Variants in SUMF1 observed in about 807,000 individuals in gnomAD.
The protein encoded by SUMF1 is formylglycine-generating enzyme.
Under a neutral mutation model 47.6 loss-of-function variants are expected in SUMF1, and 48 were observed. The ratio of observed to expected loss-of-function variants is 1.01; its 90% CI spans 0.80 to 1.28. SUMF1 has a LOEUF of 1.28. Among genes scored for constraint, SUMF1 ranks in the 50% most tolerant of loss-of-function variants. The probability of loss-of-function intolerance (pLI) is 0.00; values close to 1 mark genes in which losing one functional copy is unlikely to be tolerated. For synonymous variants in SUMF1, 230 were observed against 192.1 expected, an observed-to-expected ratio of 1.20 and a Z score of -1.63; for missense variants, 571 against 485.4, an observed-to-expected ratio of 1.18 and a Z score of -1.66.
At chr3:4,359,880 G>A (rs35830511), downstream of SUMF1, among the ~76,000 whole-genome samples, 31,546 of 152,010 alleles carry the variant, frequency 0.21, 3,502 homozygotes, top group East Asian at 0.39. Flanking sequence ...GGCCTCAAAC[G>A]ATCCTCTCGC....
chr3:4,462,225 T>C lies in SUMF1; in HGVS notation c.270+4751A>G, dbSNP rs560648864. 7.9e-5 allele frequency among the ~76,000 whole-genome samples: 12 copies of C among 152,294 alleles called. No homozygotes were observed. In the East Asian group the frequency reaches 2.1e-3, roughly 27 times the overall value. Reference sequence around the variant, plus strand: ...AACCCCCACCAAGCCTGGCCAACCATAGCATTCTTTTGACCACGGAGATGT... The same window carrying C: ...AACCCCCACCAAGCCTGGCCAACCACAGCATTCTTTTGACCACGGAGATGT... On this transcript the variant is annotated intron_variant, in intron 1 of 8. Coordinates refer to ENST00000272902, the MANE Select transcript of SUMF1 (RefSeq NM_182760.4).
intron 8 of SUMF1, among the ~76,000 whole-genome samples, chr3:4,164,448 G>C (rs1694653124): frequency 6.6e-6 from 1 of 152,178 alleles, no homozygotes; most frequent in Admixed American, 6.5e-5. Flanking sequence ...AAGAAACTTT[G>C]CCCTCTGGGG....
chr3:4,038,963 C>T (rs1464330529), intron 9 of SUMF1, among the ~76,000 whole-genome samples: 1 of 152,112 alleles, frequency 6.6e-6, no homozygotes, highest in Non-Finnish European at 1.5e-5. Flanking sequence ...ACAATTAAGA[C>T]AGCAACTTAA....
chr3:4,114,923 G>T (rs1233848733), intron 8 of SUMF1, among the ~76,000 whole-genome samples: 1 of 152,108 alleles, frequency 6.6e-6, no homozygotes, highest in Non-Finnish European at 1.5e-5. Flanking sequence ...AGGCAGGGAA[G>T]CACTGGGTGG....
intron 8 of SUMF1, among the ~76,000 whole-genome samples, chr3:4,146,205 G>A (rs553915426): frequency 6.6e-5 from 10 of 152,104 alleles, no homozygotes; most frequent in Non-Finnish European, 1.3e-4. Context: ...GAAAAGAGGG[G>A]TGGATGAAAG....
At position 4,403,743 on chromosome 3, in the gene SUMF1, G is replaced by C. The variant is rs565582635; in HGVS notation, c.954+7122C>G. ...AATGCAGTAAGTTGCCCCAAGTGTTGGAGAGTTACTGTTCACCAAGAAGCT... is the reference window on the plus strand; with the variant it reads ...AATGCAGTAAGTTGCCCCAAGTGTTCGAGAGTTACTGTTCACCAAGAAGCT... On this transcript the variant is annotated intron_variant, in intron 7 of 8. Transcript: ENST00000272902. Among the ~76,000 whole-genome samples, 352 of 152,280 alleles carry C rather than the reference G, an allele frequency of 2.3e-3. 3 individuals carry two copies. Among genetic ancestry groups the C allele is most frequent in the Middle Eastern group, 0.014 (4 of 294 alleles).
intron 8 of SUMF1, among the ~76,000 whole-genome samples, chr3:4,083,118 G>A (rs1431538922): frequency 6.6e-6 from 1 of 152,132 alleles, no homozygotes; most frequent in East Asian, 1.9e-4. Flanking sequence ...TGCCCAGACT[G>A]AAAAGGATGA....
At chr3:4,160,734 C>G (rs1033159855) in intron 8 of SUMF1, among the ~76,000 whole-genome samples, 4 of 152,032 alleles carry the variant, frequency 2.6e-5, no homozygotes, top group Non-Finnish European at 5.9e-5. Context: ...TCTGTGTTAT[C>G]TCTAATTTCT....
chr3:4,131,513 A>G (rs1379225095), intron 8 of SUMF1, among the ~76,000 whole-genome samples: 3 of 152,156 alleles, frequency 2.0e-5, no homozygotes, highest in African/African-American at 7.2e-5. Context: ...GTGAAGGGAA[A>G]TCTTCCCAGT....
chr3:4,135,023 A>G (rs1693891506), intron 8 of SUMF1, among the ~76,000 whole-genome samples: 2 of 152,278 alleles, frequency 1.3e-5, no homozygotes, highest in Admixed American at 1.3e-4. Flanking sequence ...ATGGATTCAC[A>G]GCCGAATTCT....
chr3:4,164,515 G>A lies in SUMF1; in HGVS notation c.1015-95770C>T, dbSNP rs528119574. On this transcript the variant is annotated intron_variant and NMD_transcript_variant, in intron 8 of 12. Transcript: ENST00000448413. ...GTGGACATGGGCGAGGGGGCAGCTTGTTTCTCTTTGGACAATGTTTTTTAA... is the reference window on the plus strand; with the variant it reads ...GTGGACATGGGCGAGGGGGCAGCTTATTTCTCTTTGGACAATGTTTTTTAA... Among the ~76,000 whole-genome samples the A allele has an allele frequency of 1.6e-3, 247 of 152,248 alleles. 3 individuals carry two copies. The highest frequency in any genetic ancestry group is 5.8e-3 in the African/African-American group (241 of 41,522).
At chr3:4,147,180 G>C (rs1694215382) in intron 8 of SUMF1, among the ~76,000 whole-genome samples, 1 of 152,120 alleles carries the variant, frequency 6.6e-6, no homozygotes, top group Admixed American at 6.6e-5. Flanking sequence ...TGCTGGAGAG[G>C]ATGTGGGGAA....
chr3:4,173,725 T>G (rs1694887007), intron 8 of SUMF1, among the ~76,000 whole-genome samples: 1 of 152,154 alleles, frequency 6.6e-6, no homozygotes, highest in Non-Finnish European at 1.5e-5. Flanking sequence ...TCATGTGCTT[T>G]ACATGGACAT....
intron 7 of SUMF1, among the ~76,000 whole-genome samples, chr3:4,405,153 T>A (rs17040633): frequency 0.12 from 18,935 of 152,156 alleles, 3,054 homozygotes; most frequent in African/African-American, 0.38. Context: ...TGTGAGTCCA[T>A]GCCCTAAGTC....
intron 8 of SUMF1, among the ~76,000 whole-genome samples, chr3:4,136,515 A>G (rs1487690821): frequency 1.3e-5 from 2 of 152,106 alleles, no homozygotes; most frequent in South Asian, 4.2e-4. Flanking sequence ...AACCATAAAA[A>G]CCCTAGAAGA....
intron 8 of SUMF1, among the ~76,000 whole-genome samples, chr3:4,279,411 A>C (rs1181514907): frequency 1.3e-5 from 2 of 152,214 alleles, no homozygotes; most frequent in African/African-American, 4.8e-5. Flanking sequence ...ATCAACAATT[A>C]AATACATTAT....
At chr3:4,396,193 G>A (rs1701033345) in intron 7 of SUMF1, among the ~76,000 whole-genome samples, 1 of 152,240 alleles carries the variant, frequency 6.6e-6, no homozygotes, top group Non-Finnish European at 1.5e-5. Flanking sequence ...GAGCTGGGCT[G>A]AAGGCCAGGA....
chr3:4,187,733 T>C (rs1195982336), intron 8 of SUMF1, among the ~76,000 whole-genome samples: 2 of 152,180 alleles, frequency 1.3e-5, no homozygotes, highest in Non-Finnish European at 2.9e-5. Context: ...TTTGCATATG[T>C]GTGTCAATAA....
chr3:4,126,224 G>A (rs1482770503), intron 8 of SUMF1, among the ~76,000 whole-genome samples: 1 of 150,234 alleles, frequency 6.7e-6, no homozygotes. Flanking sequence ...GTGCATCCTA[G>A]ATAATTTTTA....
Sources: gnomAD v4.1 joint callset for allele counts (sites outside exome capture counted in the v4.1 genomes callset) on GRCh38, gnomAD v4.1.1 for gene constraint, MANE v1.5 for transcripts, NCBI Gene and HGNC (gene_info 2026-07-23, HGNC 2026-07-21) for gene names.